Variants in SPATA6 observed in about 807,000 individuals in gnomAD.
SPATA6 encodes the protein spermatogenesis associated 6.
SPATA6 carries 56 observed loss-of-function variants against 65.3 expected under a neutral mutation model. That is an observed-to-expected ratio of 0.86 (90% CI 0.69 to 1.07). The LOEUF (loss-of-function observed/expected upper bound fraction) is 1.07. Ranked by LOEUF, SPATA6 falls within the 50% of genes least tolerant of loss-of-function variation. SPATA6 has a pLI of 0.00. For missense variants in SPATA6, 590 were observed against 594.8 expected (o/e 0.99, Z 0.08); for synonymous variants, 199 against 213.2 (o/e 0.93, Z 0.58).
intron 11 of SPATA6, among the ~76,000 whole-genome samples, chr1:48,347,474 T>C (rs1646399909): frequency 6.8e-6 from 1 of 146,314 alleles, no homozygotes. Flanking sequence ...TAATATAATA[T>C]ATATATTATT....
the SPATA6 span, among the ~76,000 whole-genome samples, chr1:48,287,524 G>A: frequency 6.6e-6 from 1 of 152,334 alleles, no homozygotes; most frequent in Non-Finnish European, 1.5e-5. Flanking sequence ...GAATGATTTA[G>A]CACCATCCCC....
chr1:48,312,668 T>C (rs568335766), intron 11 of SPATA6, among the ~76,000 whole-genome samples: 8 of 151,544 alleles, frequency 5.3e-5, no homozygotes, highest in Non-Finnish European at 8.8e-5. Flanking sequence ...ATGCAGCTCC[T>C]CACCAGCAAC....
chr1:48,286,770 T>C, the SPATA6 span, among the ~76,000 whole-genome samples: 1 of 152,142 alleles, frequency 6.6e-6, no homozygotes, highest in African/African-American at 2.4e-5. Context: ...GCACAGTGGC[T>C]CACATCTGTA....
chr1:48,287,582 G>A, the SPATA6 span, among the ~76,000 whole-genome samples: 1 of 151,986 alleles, frequency 6.6e-6, no homozygotes, highest in African/African-American at 2.4e-5. Context: ...AGATCTGGCT[G>A]TTTAAAAGAG....
the SPATA6 span, chr1:48,262,637 A>G: frequency 3.2e-4 from 48 of 152,312 alleles, no homozygotes; most frequent in African/African-American, 1.1e-3. Context: ...AAATGAAGAA[A>G]TGTACATGTA....
chr1:48,415,262 G>A (rs1652650194), intron 3 of SPATA6, among the ~76,000 whole-genome samples: 1 of 152,216 alleles, frequency 6.6e-6, no homozygotes, highest in African/African-American at 2.4e-5. Flanking sequence ...CTGGGCAGAT[G>A]TGCTCACGCA....
intron 11 of SPATA6, among the ~76,000 whole-genome samples, chr1:48,331,088 G>A (rs1387704933): frequency 1.3e-5 from 2 of 152,096 alleles, no homozygotes; most frequent in Non-Finnish European, 2.9e-5. Context: ...CCGTTCAAAG[G>A]ACAGCAAATT....
chr1:48,471,536 T>C (rs1470328166), intron 1 of SPATA6, among the ~76,000 whole-genome samples: 3 of 152,006 alleles, frequency 2.0e-5, no homozygotes, highest in East Asian at 1.9e-4. Context: ...CCTGCAGGGA[T>C]TCGGGAGGAA....
intron 11 of SPATA6, among the ~76,000 whole-genome samples, chr1:48,309,387 CCTT>C (rs1267975123): frequency 2.6e-5 from 4 of 151,994 alleles, no homozygotes; most frequent in African/African-American, 9.7e-5. Flanking sequence ...GCCAATGAGT[CCTT>C]CTAATAAATT....
At chr1:48,397,857 A>T (rs1570445822) in intron 7 of SPATA6, among the ~76,000 whole-genome samples, 1 of 151,698 alleles carries the variant, frequency 6.6e-6, no homozygotes, top group East Asian at 1.9e-4. Flanking sequence ...ATCAAGCAAT[A>T]TTAGAATTAT....
chr1:48,373,241 G>A (rs771011328), intron 9 of SPATA6, among the ~76,000 whole-genome samples: 11 of 152,196 alleles, frequency 7.2e-5, no homozygotes, highest in Admixed American at 2.6e-4. Context: ...TTGCTGCTTA[G>A]AAGTTTATTC....
At chr1:48,439,644 A>G (rs963753135) in intron 3 of SPATA6, among the ~76,000 whole-genome samples, 5 of 152,158 alleles carry the variant, frequency 3.3e-5, no homozygotes, top group Non-Finnish European at 5.9e-5. Context: ...AGAGGGGAAA[A>G]CAAACAAACC....
intron 8 of SPATA6, among the ~76,000 whole-genome samples, chr1:48,386,540 T>G (rs1031765080): frequency 6.6e-6 from 1 of 152,080 alleles, no homozygotes; most frequent in Non-Finnish European, 1.5e-5. Flanking sequence ...CAAAAGGAAA[T>G]TGGCAGACAA....
At chr1:48,293,847 A>G (rs942824154), downstream of SPATA6, among the ~76,000 whole-genome samples, 1 of 152,224 alleles carries the variant, frequency 6.6e-6, no homozygotes, top group Admixed American at 6.5e-5. Flanking sequence ...TTGATTGAGA[A>G]CTGTGTTTCT....
intron 12 of SPATA6, among the ~76,000 whole-genome samples, chr1:48,304,566 A>C (rs1341796096): frequency 2.0e-5 from 3 of 151,838 alleles, no homozygotes; most frequent in Non-Finnish European, 4.4e-5. Context: ...CTATTCTCAA[A>C]CTCTTGGCCT....
At chr1:48,357,154 T>C (rs1466112850) in intron 10 of SPATA6, among the ~76,000 whole-genome samples, 3 of 152,258 alleles carry the variant, frequency 2.0e-5, no homozygotes, top group Non-Finnish European at 2.9e-5. Context: ...ACTTTAAGCA[T>C]GATTCAAAAG....
At chr1:48,408,826 T>C (rs1403567912) in intron 5 of SPATA6, among the ~76,000 whole-genome samples, 2 of 152,174 alleles carry the variant, frequency 1.3e-5, no homozygotes, top group African/African-American at 4.8e-5. Context: ...CCATTCACTA[T>C]CATGAGAACA....
chr1:48,307,947 TTC>T (rs1645102739), intron 11 of SPATA6, among the ~76,000 whole-genome samples: 1 of 152,010 alleles, frequency 6.6e-6, no homozygotes, highest in Non-Finnish European at 1.5e-5. Flanking sequence ...TGCTTTTGTT[TTC>T]TTTTACACTG....
intron 3 of SPATA6, among the ~76,000 whole-genome samples, chr1:48,435,379 A>C (rs1162633998): frequency 6.6e-6 from 1 of 151,932 alleles, no homozygotes; most frequent in Non-Finnish European, 1.5e-5. Context: ...CACACCAATC[A>C]GCACTCTGTC....
Sources: gnomAD v4.1 joint callset for allele counts (sites outside exome capture counted in the v4.1 genomes callset) on GRCh38, gnomAD v4.1.1 for gene constraint, MANE v1.5 for transcripts, NCBI Gene and HGNC (gene_info 2026-07-23, HGNC 2026-07-21) for gene names.